Variants in SYNDIG1 observed in about 807,000 individuals in gnomAD.
The protein encoded by SYNDIG1 is synapse differentiation inducing 1, also known as synapse differentiation-inducing gene protein 1.
Under a neutral mutation model 19.4 loss-of-function variants are expected in SYNDIG1, and 9 were observed. The ratio of observed to expected loss-of-function variants is 0.46; its 90% CI spans 0.28 to 0.81. The LOEUF is 0.81. Ranked by LOEUF, SYNDIG1 falls within the 30% of genes least tolerant of loss-of-function variation. SYNDIG1 has a pLI of 0.12. For missense variants in SYNDIG1, 311 were observed against 343.3 expected (o/e 0.91, Z 0.74); for synonymous variants, 141 against 145.9 (o/e 0.97, Z 0.24).
rs143547883 is a variant in SYNDIG1 at position 24,493,936 on chromosome 20, G to A, written c.-79+24183G>A. Among the ~76,000 whole-genome samples the A allele has an allele frequency of 8.7e-3, 1,323 of 152,336 alleles. 16 individuals carry two copies. Among genetic ancestry groups the A allele is most frequent in the African/African-American group, 0.028 (1,173 of 41,572 alleles). ...GGAAGGGTCTTGGAGTCATCCCAACGTGTGGAGGCCCAGAGGAGGAGACCC... is the reference window on the plus strand; with the variant it reads ...GGAAGGGTCTTGGAGTCATCCCAACATGTGGAGGCCCAGAGGAGGAGACCC... On this transcript the variant is annotated intron_variant, in intron 1 of 3. Coordinates refer to ENST00000376862, the MANE Select transcript of SYNDIG1 (RefSeq NM_024893.3).
At chr20:24,589,764 G>T (rs1451625645) in intron 3 of SYNDIG1, among the ~76,000 whole-genome samples, 1 of 152,188 alleles carries the variant, frequency 6.6e-6, no homozygotes, top group Non-Finnish European at 1.5e-5. Context: ...AATGAGAAAA[G>T]GGTATTAGGA....
At chr20:24,577,814 G>C (rs1187174202) in intron 2 of SYNDIG1, among the ~76,000 whole-genome samples, 1 of 152,220 alleles carries the variant, frequency 6.6e-6, no homozygotes, top group Non-Finnish European at 1.5e-5. Flanking sequence ...ACATGTAAAT[G>C]ATGGTGAAGA....
rs544146892 is a variant in SYNDIG1, at chr20:24,616,850, G to A, written c.618+31857G>A. Among the ~76,000 whole-genome samples, 24 of 152,314 alleles carry A rather than the reference G, an allele frequency of 1.6e-4. No homozygotes were observed. The South Asian group carries it at 4.4e-3, about 28-fold the overall frequency. ...CCCAACCCTTCACTGAGCTACTGTC[G>A]CCAGGCAGGGTGCCGGCACTGGGGA... On this transcript the variant is annotated intron_variant, in intron 3 of 3. Transcript: ENST00000376862.
At chr20:24,541,342 A>C (rs1247392669) in intron 1 of SYNDIG1, among the ~76,000 whole-genome samples, 1 of 152,174 alleles carries the variant, frequency 6.6e-6, no homozygotes, top group Non-Finnish European at 1.5e-5. Context: ...ACAACCCCTC[A>C]ATTTTCCCAC....
chr20:24,607,714 T>C (rs2147157613), intron 3 of SYNDIG1, among the ~76,000 whole-genome samples: 1 of 152,360 alleles, frequency 6.6e-6, no homozygotes, highest in East Asian at 1.9e-4. Context: ...ACACTGGGAC[T>C]TGAGTTGGCC....
rs1250876416 is a variant in SYNDIG1, at chr20:24,568,197, GAGA to G, written c.481-16656_481-16654del. 9.2e-5 allele frequency among the ~76,000 whole-genome samples: 14 copies of G among 152,174 alleles called. 1 individual carries two copies. Among genetic ancestry groups the G allele is most frequent in the Admixed American group, 9.2e-4 (14 of 15,270 alleles). On this transcript the variant is annotated intron_variant, in intron 2 of 3. Coordinates refer to ENST00000376862, the MANE Select transcript of SYNDIG1 (RefSeq NM_024893.3). ...TGCAGCAGCTGGTCCAGTTTTGTGG[GAGA>G]AGTAGGGGACATCGTTGCACTGCAG...
intron 3 of SYNDIG1, among the ~76,000 whole-genome samples, chr20:24,590,040 G>A (rs1321640157): frequency 6.6e-6 from 1 of 152,242 alleles, no homozygotes; most frequent in Middle Eastern, 3.2e-3. Flanking sequence ...TCCTTGCAAT[G>A]TCAGCTTTAC....
chr20:24,499,856 T>A (rs2056397144), intron 1 of SYNDIG1, among the ~76,000 whole-genome samples: 1 of 152,210 alleles, frequency 6.6e-6, no homozygotes, highest in Admixed American at 6.5e-5. Flanking sequence ...TCAATATATG[T>A]AAGGCTGATT....
At chr20:24,518,150 T>C (rs538029002) in intron 1 of SYNDIG1, among the ~76,000 whole-genome samples, 27 of 152,180 alleles carry the variant, frequency 1.8e-4, no homozygotes, top group African/African-American at 6.5e-4. Context: ...TATAGTCAAA[T>C]GAAATTGGTT....
intron 1 of SYNDIG1, among the ~76,000 whole-genome samples, chr20:24,487,487 C>T (rs901815618): frequency 2.0e-5 from 3 of 152,106 alleles, no homozygotes; most frequent in Non-Finnish European, 4.4e-5. Context: ...TCCTCCATCT[C>T]TAAGTGAGAG....
In SYNDIG1 at chr20:24,543,418, C is replaced by T. The variant is rs150995721; in HGVS notation, c.321C>T (p.Ala107=). 79 of 1,613,620 alleles carry T rather than the reference C, an allele frequency of 4.9e-5. No homozygotes were observed. The highest frequency in any genetic ancestry group is 3.3e-4 in the Middle Eastern group (2 of 6,062). ...TGCGCTCCTGGGGGGACGGTGTGGC[C>T]GCCGACTGCTGCGAGACCACCTTCA... ...GVLRSWGDGV[A]ADCCETTFIE... is the part of the protein sequence containing the mutation. Residue 107 remains alanine, a synonymous_variant, in exon 2 of 4, where the codon GCC becomes GCT. Transcript: ENST00000376862.
At chr20:24,601,179 A>G (rs895232338) in intron 3 of SYNDIG1, among the ~76,000 whole-genome samples, 1 of 152,256 alleles carries the variant, frequency 6.6e-6, no homozygotes, top group African/African-American at 2.4e-5. Context: ...CATTCCTAGA[A>G]TAAACCCTAA....
chr20:24,618,339 G>A (rs1393872843), intron 3 of SYNDIG1, among the ~76,000 whole-genome samples: 2 of 144,710 alleles, frequency 1.4e-5, no homozygotes, highest in Non-Finnish European at 3.1e-5. Flanking sequence ...CCCAGGGAGC[G>A]AGGAGATCCC....
chr20:24,568,545 A>C (rs2058091007), intron 2 of SYNDIG1, among the ~76,000 whole-genome samples: 1 of 152,214 alleles, frequency 6.6e-6, no homozygotes, highest in Non-Finnish European at 1.5e-5. Context: ...GGGGGACCAG[A>C]AACTGAGATA....
Position 24,666,049 on chromosome 20 carries a change from C to G in SYNDIG1, c.*545C>G, listed in dbSNP as rs73100765. The G allele has an allele frequency of 0.038, 5,788 of 153,600 alleles. 130 individuals carry two copies. The highest frequency in any genetic ancestry group is 0.07 in the South Asian group (344 of 4,902). 9.5% of individuals were successfully genotyped at this position (153,600 alleles called of 1,614,324 possible). A position where few individuals can be genotyped will look rare whatever the true frequency, so the allele number is the denominator to read the frequency against. ...GAGCCCCGCTGCACTGCTCTGCAGA[C>G]CCATTGGCCTGACCCTGAGAAGCAG... On this transcript the variant is annotated 3_prime_UTR_variant, in exon 4 of 4. Coordinates refer to ENST00000376862, the MANE Select transcript of SYNDIG1 (RefSeq NM_024893.3).
intron 1 of SYNDIG1, among the ~76,000 whole-genome samples, chr20:24,537,945 G>A (rs942432401): frequency 1.3e-5 from 2 of 151,980 alleles, no homozygotes; most frequent in African/African-American, 2.4e-5. Context: ...TTCTTTTCTC[G>A]GTATGGTGTG....
intron 1 of SYNDIG1, among the ~76,000 whole-genome samples, chr20:24,503,775 C>T (rs2056515945): frequency 6.6e-6 from 1 of 152,178 alleles, no homozygotes; most frequent in African/African-American, 2.4e-5. Flanking sequence ...TGATCTGCCT[C>T]TCATCTTTAG....
At chr20:24,617,901 G>C (rs1404466510) in intron 3 of SYNDIG1, among the ~76,000 whole-genome samples, 2 of 148,080 alleles carry the variant, frequency 1.4e-5, no homozygotes, top group Non-Finnish European at 3.0e-5. Flanking sequence ...CCCGGGGAGC[G>C]GGGAAAGCCT....
intron 1 of SYNDIG1, among the ~76,000 whole-genome samples, chr20:24,512,105 TAA>T (rs1372669338): frequency 3.0e-5 from 3 of 100,554 alleles, no homozygotes; most frequent in Non-Finnish European, 1.9e-5. Context: ...CATTGGTCTT[TAA>T]AATATATATA....
Sources: gnomAD v4.1 joint callset for allele counts (sites outside exome capture counted in the v4.1 genomes callset) on GRCh38, gnomAD v4.1.1 for gene constraint, MANE v1.5 for transcripts, NCBI Gene and HGNC (gene_info 2026-07-23, HGNC 2026-07-21) for gene names.